The following PRKG1 variants were observed in gnomAD, a reference collection of about 807,000 sequenced individuals.
PRKG1 encodes protein kinase cGMP-dependent 1.
A neutral mutation model predicts 88.1 loss-of-function variants in PRKG1; 35 were observed. The ratio of observed to expected loss-of-function variants is 0.40; its 90% CI spans 0.30 to 0.53. The LOEUF is 0.53. Ranked by LOEUF, PRKG1 falls within the 20% of genes least tolerant of loss-of-function variation. PRKG1 has a pLI of 0.59. For missense variants in PRKG1, 540 were observed against 839.8 expected, an observed-to-expected ratio of 0.64 and a Z score of 4.41; for synonymous variants, 303 against 292.5, an observed-to-expected ratio of 1.04 and a Z score of -0.37.
chr10:51,383,446 A>G (rs1002022880), intron 2 of PRKG1, among the ~76,000 whole-genome samples: 12 of 152,212 alleles, frequency 7.9e-5, no homozygotes, highest in Admixed American at 3.9e-4. Context: ...AGAAATTCGC[A>G]TATTTAATTT....
At chr10:51,594,010 G>A (rs1371449026) in intron 3 of PRKG1, among the ~76,000 whole-genome samples, 1 of 151,880 alleles carries the variant, frequency 6.6e-6, no homozygotes, top group Admixed American at 6.6e-5. Context: ...ACAGGTGTGG[G>A]CCACCGTGCC....
At chr10:51,204,540 G>A (rs2132060972) in intron 2 of PRKG1, among the ~76,000 whole-genome samples, 1 of 152,144 alleles carries the variant, frequency 6.6e-6, no homozygotes, top group East Asian at 1.9e-4. Flanking sequence ...TTCATAGTTA[G>A]AGAATCTCTC....
At chr10:51,810,602 T>TC (rs1839428402) in intron 4 of PRKG1, among the ~76,000 whole-genome samples, 1 of 152,214 alleles carries the variant, frequency 6.6e-6, no homozygotes, top group Admixed American at 6.5e-5. Context: ...CATGTGCTTT[T>TC]CCCTTATTCT....
At chr10:51,099,038 A>G (rs1166836565) in intron 1 of PRKG1, among the ~76,000 whole-genome samples, 2 of 152,190 alleles carry the variant, frequency 1.3e-5, no homozygotes. Context: ...ACTCTGTGAA[A>G]CACAGTCTAT....
At chr10:51,111,721 GT>G (rs1844983759) in intron 1 of PRKG1, among the ~76,000 whole-genome samples, 1 of 152,120 alleles carries the variant, frequency 6.6e-6, no homozygotes, top group Non-Finnish European at 1.5e-5. Flanking sequence ...TAAATTCTTT[GT>G]TTGATTCATT....
intron 4 of PRKG1, among the ~76,000 whole-genome samples, chr10:51,865,821 T>G (rs1190528780): frequency 1.3e-5 from 2 of 152,074 alleles, no homozygotes; most frequent in African/African-American, 2.4e-5. Context: ...ATTTCTTCTG[T>G]TCTTTCTGTA....
chr10:52,191,755 C>G (rs1015190748), intron 9 of PRKG1, among the ~76,000 whole-genome samples: 4 of 152,154 alleles, frequency 2.6e-5, no homozygotes, highest in African/African-American at 9.7e-5. Flanking sequence ...TAATCCTTTT[C>G]CTACAAAGTT....
chr10:51,012,225 G>A (rs1843001858), intron 1 of PRKG1, among the ~76,000 whole-genome samples: 1 of 152,166 alleles, frequency 6.6e-6, no homozygotes, highest in South Asian at 2.1e-4. Flanking sequence ...CCAGCTCAGG[G>A]TAAGGAGGAG....
At chr10:51,109,146 A>G (rs1332221375) in intron 1 of PRKG1, among the ~76,000 whole-genome samples, 2 of 152,172 alleles carry the variant, frequency 1.3e-5, no homozygotes, top group Admixed American at 1.3e-4. Context: ...TATTGTTGTC[A>G]ATTCTTCAGA....
At chr10:51,125,754 A>C (rs1036404802) in intron 1 of PRKG1, among the ~76,000 whole-genome samples, 4 of 145,764 alleles carry the variant, frequency 2.7e-5, no homozygotes, top group African/African-American at 9.9e-5. Context: ...ATATCTACAT[A>C]TAAAAATTAT....
intron 3 of PRKG1, among the ~76,000 whole-genome samples, chr10:51,507,062 A>G (rs1008544587): frequency 2.0e-5 from 3 of 151,834 alleles, no homozygotes; most frequent in Non-Finnish European, 4.4e-5. Flanking sequence ...CAAAACACCA[A>G]ACACCACATG....
At chr10:51,357,900 T>C (rs1391138577) in intron 2 of PRKG1, among the ~76,000 whole-genome samples, 1 of 151,998 alleles carries the variant, frequency 6.6e-6, no homozygotes, top group Non-Finnish European at 1.5e-5. Context: ...GGCATTTTGG[T>C]AAATGCTAAG....
intron 4 of PRKG1, among the ~76,000 whole-genome samples, chr10:51,882,524 T>C (rs568742174): frequency 6.6e-6 from 1 of 152,312 alleles, no homozygotes; most frequent in African/African-American, 2.4e-5. Context: ...TTTAACTCTA[T>C]TAGAGTTACT....
chr10:51,605,036 G>A (rs1838723698), intron 3 of PRKG1, among the ~76,000 whole-genome samples: 1 of 152,170 alleles, frequency 6.6e-6, no homozygotes. Context: ...TGGATTGGGA[G>A]CCAGAAGAGG....
intron 3 of PRKG1, among the ~76,000 whole-genome samples, chr10:51,776,053 C>G (rs988724808): frequency 1.3e-5 from 2 of 152,056 alleles, no homozygotes; most frequent in Non-Finnish European, 2.9e-5. Flanking sequence ...GTCGGTTTCC[C>G]CACTGAAACA....
Position 51,638,217 on chromosome 10 carries a change from T to C in PRKG1, c.593-166368T>C, listed in dbSNP as rs140677261. Among the ~76,000 whole-genome samples, 1,140 of 152,308 alleles carry C rather than the reference T, an allele frequency of 7.5e-3. 8 individuals are homozygous for C. The highest frequency in any genetic ancestry group is 0.011 in the Non-Finnish European group (751 of 68,018). The stretch of plus-strand genomic sequence containing the variant: ...CTTTTTCTGTGAAGTTTCTGAAAAA[T>C]TGACTAGCAGTTTTATTATTTTAGA... On this transcript the variant is annotated intron_variant, in intron 3 of 17. Transcript: ENST00000373980.
intron 7 of PRKG1, among the ~76,000 whole-genome samples, chr10:52,118,088 C>T (rs974485845): frequency 1.3e-5 from 2 of 151,786 alleles, no homozygotes; most frequent in Non-Finnish European, 2.9e-5. Context: ...TTAAAAATTA[C>T]AAGAAAATAC....
At chr10:51,724,401 T>C (rs1445533897) in intron 3 of PRKG1, among the ~76,000 whole-genome samples, 2 of 152,198 alleles carry the variant, frequency 1.3e-5, no homozygotes, top group Non-Finnish European at 2.9e-5. Flanking sequence ...AAATTTATCA[T>C]AGACAAACTA....
At chr10:52,283,022 C>T (rs16928871) in intron 14 of PRKG1, among the ~76,000 whole-genome samples, 11,242 of 151,948 alleles carry the variant, frequency 0.074, 530 homozygotes, top group South Asian at 0.19. Flanking sequence ...ATAGGCATGG[C>T]TTAAAGAGAA....
Sources: allele counts gnomAD v4.1 joint callset (sites outside exome capture counted in the v4.1 genomes callset), GRCh38; gene constraint gnomAD v4.1.1; transcripts MANE v1.5; gene names NCBI Gene and HGNC (gene_info 2026-07-23, HGNC 2026-07-21).